PHF14: variants seen among roughly 807,000 people sequenced by gnomAD.
The protein encoded by PHF14 is PHD finger protein 14.
Under a neutral mutation model 117.9 loss-of-function variants are expected in PHF14, and 55 were observed. The ratio of observed to expected loss-of-function variants is 0.47; its 90% CI spans 0.38 to 0.58. The LOEUF is 0.58. PHF14 is among the 20% of genes least tolerant of loss of function. PHF14 has a pLI of 0.00. For missense variants in PHF14, 978 were observed against 1,122.2 expected (o/e 0.87, Z 1.84); for synonymous variants, 409 against 368.6 (o/e 1.11, Z -1.26).
chr7:11,144,605 A>G (rs920701051), intron 17 of PHF14, among the ~76,000 whole-genome samples: 3 of 148,402 alleles, frequency 2.0e-5, no homozygotes, highest in Non-Finnish European at 4.5e-5. Flanking sequence ...ATATATTTAT[A>G]TAATAATATA....
chr7:11,077,647 C>T (rs1785916922), intron 16 of PHF14, among the ~76,000 whole-genome samples: 1 of 147,112 alleles, frequency 6.8e-6, no homozygotes, highest in Admixed American at 6.8e-5. Context: ...ACTGTATTTG[C>T]ATTTTGTGAG....
chr7:11,052,207 G>A (rs1221050825), intron 14 of PHF14, among the ~76,000 whole-genome samples: 1 of 152,036 alleles, frequency 6.6e-6, no homozygotes, highest in Non-Finnish European at 1.5e-5. Flanking sequence ...GTTTATTTTT[G>A]TAGGTTTTGA....
At position 11,013,831 on chromosome 7, in the gene PHF14, G is replaced by A. The variant is rs370327251; in HGVS notation, c.1130G>A (p.Cys377Tyr). Reference sequence around the variant, plus strand: ...ACTGAACCTTGGTTTTGTGATGCCTGTAAATGTGGTGTTTCTCCTAGCTGT... The same window carrying A: ...ACTGAACCTTGGTTTTGTGATGCCTATAAATGTGGTGTTTCTCCTAGCTGT... ...NSTEPWFCDA[C>Y]KCGVSPSCEL... The change falls in exon 5 of 18, where the codon TGT becomes TAT. Residue 377 changes from cysteine to tyrosine, a missense_variant. Transcript: ENST00000634607. The A allele has an allele frequency of 2.5e-6, 4 of 1,609,470 alleles. No individual in the cohort carries two copies. Among genetic ancestry groups the A allele is most frequent in the African/African-American group, 2.7e-5 (2 of 74,804 alleles).
At chr7:10,995,770 C>T (rs1408874057) in intron 4 of PHF14, among the ~76,000 whole-genome samples, 1 of 152,192 alleles carries the variant, frequency 6.6e-6, no homozygotes, top group Non-Finnish European at 1.5e-5. Flanking sequence ...GGACCCGGTG[C>T]ACCCTCCACA....
intron 11 of PHF14, among the ~76,000 whole-genome samples, 153 bp downstream of exon 11, chr7:11,039,008 C>T (rs531510437): frequency 6.6e-6 from 1 of 152,252 alleles, no homozygotes; most frequent in African/African-American, 2.4e-5. Context: ...GCTTGAAATA[C>T]ACCTAGAGCA....
chr7:11,127,154 A>G (rs2128347742), intron 17 of PHF14, among the ~76,000 whole-genome samples: 1 of 151,848 alleles, frequency 6.6e-6, no homozygotes, highest in South Asian at 2.1e-4. Flanking sequence ...TTAATGTCAA[A>G]TCTTCTATTC....
At chr7:11,070,286 CA>C (rs1414111986) in intron 16 of PHF14, among the ~76,000 whole-genome samples, 2 of 152,172 alleles carry the variant, frequency 1.3e-5, no homozygotes, top group Non-Finnish European at 2.9e-5. Context: ...CTGTTTTGCC[CA>C]GGCTGGTGTA....
chr7:11,097,612 T>A lies in PHF14; in HGVS notation c.2655-13738T>A, dbSNP rs1050519880. 3.9e-5 allele frequency among the ~76,000 whole-genome samples: 6 copies of A among 152,342 alleles called. No individual in the cohort carries two copies. In the East Asian group the frequency reaches 1.2e-3, roughly 29 times the overall value. ...CAGCAGTATCCCCACCATGTTGTTA[T>A]GCAGCTATTGTTTGAATACTTTCCC... On this transcript the variant is annotated intron_variant, in intron 16 of 17. Transcript: ENST00000634607.
At chr7:11,162,511 T>G (rs1040558552) in intron 17 of PHF14, among the ~76,000 whole-genome samples, 1 of 152,126 alleles carries the variant, frequency 6.6e-6, no homozygotes, top group African/African-American at 2.4e-5. Context: ...CTCATACTTA[T>G]CATCCATCAT....
At position 10,990,463 on chromosome 7, in the gene PHF14, T is replaced by G. The variant is rs192185821; in HGVS notation, c.901-240T>G. Among the ~76,000 whole-genome samples, 7 of 152,280 alleles carry G rather than the reference T, an allele frequency of 4.6e-5. No homozygotes were observed. The East Asian group carries it at 1.4e-3, about 29-fold the overall frequency. On this transcript the variant is annotated intron_variant, in intron 3 of 17. Coordinates refer to ENST00000634607, the MANE Select transcript of PHF14 (RefSeq NM_001007157.2). The stretch of plus-strand genomic sequence containing the variant: ...TTTTCATATCCTAGAGGAGAGAGAA[T>G]ACGAAGCTTGCAGAGAAGTGAAAAA...
intron 7 of PHF14, among the ~76,000 whole-genome samples, chr7:11,033,956 A>G (rs528789838): frequency 2.0e-5 from 3 of 152,170 alleles, no homozygotes; most frequent in Admixed American, 6.6e-5. Context: ...ACCCTGTTTT[A>G]CTAATGTGGT....
chr7:10,974,450 C>G, intron 1 of PHF14, 126 bp downstream of exon 1: 1 of 821,264 alleles, frequency 1.2e-6, no homozygotes, highest in Non-Finnish European at 2.0e-6. Flanking sequence ...CCCTCGCCCT[C>G]CATGGTCCGC....
chr7:11,128,725 C>T (rs28403972), intron 17 of PHF14, among the ~76,000 whole-genome samples: 2,550 of 151,418 alleles, frequency 0.017, 72 homozygotes, highest in African/African-American at 0.059. Context: ...GCTTTCCTCC[C>T]GTTCTCCTTC....
chr7:11,009,842 A>G (rs1202222783), intron 4 of PHF14, among the ~76,000 whole-genome samples: 1 of 152,234 alleles, frequency 6.6e-6, no homozygotes, highest in African/African-American at 2.4e-5. Context: ...ATTCTTCCAG[A>G]TTACAAAGGA....
intron 17 of PHF14, among the ~76,000 whole-genome samples, chr7:11,167,830 C>A (rs930758984): frequency 6.6e-6 from 1 of 152,048 alleles, no homozygotes; most frequent in Admixed American, 6.6e-5. Context: ...GAGATCGAGA[C>A]CATCCTGGCT....
intron 16 of PHF14, chr7:11,104,714 A>G: frequency 8.0e-6 from 6 of 752,574 alleles, no homozygotes; most frequent in Non-Finnish European, 9.7e-6. Flanking sequence ...ACAGGTGACT[A>G]CCCTATTCCT....
chr7:11,068,779 A>AGTGGCAGGGAAAGGGGCT lies in PHF14; in HGVS notation c.2654+6696_2654+6713dup, dbSNP rs1383798867. 9.2e-5 allele frequency among the ~76,000 whole-genome samples: 14 copies of AGTGGCAGGGAAAGGGGCT among 152,320 alleles called. No individual in the cohort carries two copies. The East Asian group carries it at 2.5e-3, about 27-fold the overall frequency. On this transcript the variant is annotated intron_variant, in intron 16 of 17. Transcript: ENST00000634607. Reference sequence around the variant, plus strand: ...GCTTTGTGTTGAATACATGGGATTTAGTGGCAGGGAAAGGGGCTGGGGCAG... The same window carrying AGTGGCAGGGAAAGGGGCT: ...GCTTTGTGTTGAATACATGGGATTTAGTGGCAGGGAAAGGGGCTGTGGCAGGGAAAGGGGCTGGGGCAG...
At chr7:11,097,614 C>G (rs1240046917) in intron 16 of PHF14, among the ~76,000 whole-genome samples, 1 of 152,130 alleles carries the variant, frequency 6.6e-6, no homozygotes, top group Non-Finnish European at 1.5e-5. Context: ...TGTTGTTATG[C>G]AGCTATTGTT....
intron 7 of PHF14, among the ~76,000 whole-genome samples, chr7:11,035,200 T>C (rs1784278764): frequency 6.6e-6 from 1 of 151,960 alleles, no homozygotes; most frequent in Admixed American, 6.6e-5. Context: ...GTATTAGGTA[T>C]TATAAGTAAT....
Sources: gnomAD v4.1 joint callset for allele counts (sites outside exome capture counted in the v4.1 genomes callset) on GRCh38, gnomAD v4.1.1 for gene constraint, MANE v1.5 for transcripts, NCBI Gene and HGNC (gene_info 2026-07-23, HGNC 2026-07-21) for gene names.